Variants in RPRD2 observed in about 807,000 individuals in gnomAD.
The protein encoded by RPRD2 is regulation of nuclear pre-mRNA domain-containing protein 2.
RPRD2 carries 12 observed loss-of-function variants against 104.4 expected under a neutral mutation model. The ratio of observed to expected loss-of-function variants is 0.11; its 90% confidence interval spans 0.07 to 0.19. The LOEUF (loss-of-function observed/expected upper bound fraction) is 0.19. Ranked by LOEUF, RPRD2 falls within the 10% of genes least tolerant of loss-of-function variation. RPRD2 has a pLI of 1.00. For synonymous variants in RPRD2, 714 were observed against 684.9 expected, an observed-to-expected ratio of 1.04 and a Z score of -0.66; for missense variants, 1,543 against 1,790.1, an observed-to-expected ratio of 0.86 and a Z score of 2.49.
intron 1 of RPRD2, among the ~76,000 whole-genome samples, chr1:150,399,771 ATTG>A (rs1258578698): frequency 6.6e-6 from 1 of 151,674 alleles, no homozygotes; most frequent in Non-Finnish European, 1.5e-5. Flanking sequence ...AAAAAAAAAA[ATTG>A]ATTGCCCACG....
chr1:150,456,554 G>A (rs1008393686), intron 7 of RPRD2, among the ~76,000 whole-genome samples: 18 of 151,708 alleles, frequency 1.2e-4, no homozygotes, highest in Admixed American at 1.2e-3. Context: ...GATCACTTGA[G>A]CCGAGGAGTT....
chr1:150,392,101 C>T (rs1270483917), intron 1 of RPRD2, among the ~76,000 whole-genome samples: 5 of 150,050 alleles, frequency 3.3e-5, no homozygotes, highest in Non-Finnish European at 5.9e-5. Context: ...TCGGGAGAAT[C>T]GCTTGAACCG....
intron 7 of RPRD2, among the ~76,000 whole-genome samples, chr1:150,448,654 T>G (rs1365793160): frequency 6.6e-6 from 1 of 152,216 alleles, no homozygotes; most frequent in African/African-American, 2.4e-5. Flanking sequence ...AAGTTTTGTT[T>G]TTTCCTAGAG....
At chr1:150,395,234 T>C (rs1360818786) in intron 1 of RPRD2, among the ~76,000 whole-genome samples, 1 of 152,188 alleles carries the variant, frequency 6.6e-6, no homozygotes, top group Non-Finnish European at 1.5e-5. Flanking sequence ...AGCTCCCACA[T>C]ATGAGTGAGA....
chr1:150,442,259 T>A (rs1274130481), intron 4 of RPRD2, among the ~76,000 whole-genome samples: 1 of 152,016 alleles, frequency 6.6e-6, no homozygotes, highest in Admixed American at 6.6e-5. Flanking sequence ...GTGTCCAGGA[T>A]AATTTTCAGG....
intron 1 of RPRD2, among the ~76,000 whole-genome samples, chr1:150,373,153 A>G (rs1183988564): frequency 2.0e-5 from 3 of 151,954 alleles, no homozygotes; most frequent in African/African-American, 7.3e-5. Context: ...AGCTGGGATT[A>G]CAGGTGCATG....
rs782241399 is a variant in RPRD2, at chr1:150,441,968, A to G, written c.514+10A>G. On this transcript the variant is annotated intron_variant, in intron 4 of 10. Transcript: ENST00000369068. ...TGGAAGAAATCACAAAGTAAGGAAC[A>G]AAATCTCAACTAATATAAAATTACC... 1.3e-6 allele frequency: 2 copies of G among 1,595,138 alleles called. No homozygotes were observed. Among genetic ancestry groups the G allele is most frequent in the Admixed American group, 1.7e-5 (1 of 58,834 alleles).
At chr1:150,456,935 AAG>A (rs1667571744) in intron 7 of RPRD2, among the ~76,000 whole-genome samples, 1 of 151,334 alleles carries the variant, frequency 6.6e-6, no homozygotes, top group Non-Finnish European at 1.5e-5. Context: ...CAAAAAAAAA[AAG>A]AAGAGGCTGG....
At chr1:150,418,581 G>T (rs1664537223) in intron 2 of RPRD2, among the ~76,000 whole-genome samples, 4 of 152,142 alleles carry the variant, frequency 2.6e-5, no homozygotes, top group Admixed American at 2.0e-4. Context: ...CCTATGAAAT[G>T]ATCAGAGGAA....
chr1:150,419,869 C>A (rs587658525), intron 2 of RPRD2, among the ~76,000 whole-genome samples: 4 of 152,280 alleles, frequency 2.6e-5, no homozygotes, highest in African/African-American at 9.6e-5. Context: ...CTCAGGTGAT[C>A]CGCCTGCCTC....
intron 1 of RPRD2, among the ~76,000 whole-genome samples, chr1:150,389,126 T>A (rs1447306304): frequency 1.3e-5 from 2 of 152,096 alleles, no homozygotes; most frequent in Non-Finnish European, 2.9e-5. Flanking sequence ...AGCCTCGACC[T>A]CTCGGGTCTA....
chr1:150,415,955 C>T (rs587748948), intron 1 of RPRD2, among the ~76,000 whole-genome samples: 4 of 152,200 alleles, frequency 2.6e-5, no homozygotes, highest in Non-Finnish European at 4.4e-5. Flanking sequence ...GGTAAAGATT[C>T]GGGCCTGACA....
intron 1 of RPRD2, among the ~76,000 whole-genome samples, chr1:150,415,331 A>AAAT (rs143989499): frequency 0.31 from 46,506 of 149,976 alleles, 8,189 homozygotes; most frequent in Non-Finnish European, 0.4. Context: ...ACTGTCTCAA[A>AAAT]AATAATAATA....
intron 1 of RPRD2, among the ~76,000 whole-genome samples, chr1:150,396,186 G>A (rs587604330): frequency 6.7e-6 from 1 of 148,824 alleles, no homozygotes; most frequent in South Asian, 2.1e-4. Context: ...TTTTTGATGG[G>A]ATCGTCTGTG....
intron 6 of RPRD2, 23 bp from the exon 7 acceptor site, chr1:150,446,203 G>A: frequency 1.3e-6 from 2 of 1,487,848 alleles, no homozygotes; most frequent in Non-Finnish European, 1.8e-6. Flanking sequence ...ATCCTGAAAT[G>A]AATATTTCCC....
chr1:150,413,305 TAATAA>T lies in RPRD2; in HGVS notation c.206-4285_206-4281del, dbSNP rs587731362. ...ACAGATAGAAAAAGAGGAAGATGAT[TAATAA>T]AATAATAAGGCCAGGCGCTGTGGCT... On this transcript the variant is annotated intron_variant, in intron 1 of 10. Coordinates refer to ENST00000369068, the MANE Select transcript of RPRD2 (RefSeq NM_015203.5). Among the ~76,000 whole-genome samples, 1,032 of 152,106 alleles carry T rather than the reference TAATAA, an allele frequency of 6.8e-3. 3 individuals carry two copies. The highest frequency in any genetic ancestry group is 0.012 in the Admixed American group (187 of 15,270).
At chr1:150,438,963 T>C (rs587675955) in intron 2 of RPRD2, among the ~76,000 whole-genome samples, 1 of 152,148 alleles carries the variant, frequency 6.6e-6, no homozygotes, top group African/African-American at 2.4e-5. Flanking sequence ...GCGTCCCGAG[T>C]AGCTGGGATT....
chr1:150,386,962 G>A (rs1219041703), intron 1 of RPRD2, among the ~76,000 whole-genome samples: 1 of 152,126 alleles, frequency 6.6e-6, no homozygotes, highest in Non-Finnish European at 1.5e-5. Context: ...TGTCTTTTAA[G>A]TGTGTGCATA....
intron 2 of RPRD2, among the ~76,000 whole-genome samples, chr1:150,440,556 A>G (rs376591259): frequency 5.9e-5 from 9 of 152,324 alleles, no homozygotes; most frequent in African/African-American, 2.2e-4. Flanking sequence ...AAAAAATGAA[A>G]AAATACAGCA....
Sources: allele counts gnomAD v4.1 joint callset (sites outside exome capture counted in the v4.1 genomes callset), GRCh38; gene constraint gnomAD v4.1.1; transcripts MANE v1.5; gene names NCBI Gene and HGNC (gene_info 2026-07-23, HGNC 2026-07-21).